Variants in OLFM3 observed in about 807,000 individuals in gnomAD.
The protein encoded by OLFM3 is olfactomedin 3.
A neutral mutation model predicts 48.6 loss-of-function variants in OLFM3; 20 were observed. That is an observed-to-expected ratio of 0.41 (90% CI 0.29 to 0.60). OLFM3 has a LOEUF of 0.60. Ranked by LOEUF, OLFM3 falls within the 20% of genes least tolerant of loss-of-function variation. OLFM3 has a pLI of 0.28. For missense variants in OLFM3, 437 were observed against 544.3 expected (o/e 0.80, Z 1.96); for synonymous variants, 222 against 198.1 (o/e 1.12, Z -1.01).
intron 1 of OLFM3, among the ~76,000 whole-genome samples, chr1:101,926,444 C>T (rs961255662): frequency 6.6e-6 from 1 of 152,156 alleles, no homozygotes. Context: ...ATCAATGGAA[C>T]AGGGCAGCCT....
chr1:101,907,923 T>C (rs956139013), intron 1 of OLFM3, among the ~76,000 whole-genome samples: 1 of 152,232 alleles, frequency 6.6e-6, no homozygotes, highest in African/African-American at 2.4e-5. Flanking sequence ...TATTAGCCTC[T>C]ACTCACGTAT....
intron 2 of OLFM3, among the ~76,000 whole-genome samples, chr1:101,832,059 C>G (rs545363773): frequency 1.3e-5 from 2 of 152,120 alleles, no homozygotes; most frequent in Non-Finnish European, 2.9e-5. Flanking sequence ...CACGCCACTA[C>G]GCCTGGCTAA....
In OLFM3 at chr1:101,862,088, G is replaced by C. The variant is rs538449792; in HGVS notation, c.70-25063C>G. Among the ~76,000 whole-genome samples, 4 of 152,326 alleles carry C rather than the reference G, an allele frequency of 2.6e-5. No individual in the cohort carries two copies. In the South Asian group the frequency reaches 8.3e-4, roughly 32 times the overall value. On this transcript the variant is annotated intron_variant, in intron 1 of 5. Coordinates refer to ENST00000370103, the MANE Select transcript of OLFM3 (RefSeq NM_058170.4). The stretch of plus-strand genomic sequence containing the variant: ...GAGATTAACATCAGGCCAGAGTTAA[G>C]AAGTGGACTCTGGATTCTGTTTCCT...
At chr1:101,884,939 T>C (rs1211806047) in intron 1 of OLFM3, among the ~76,000 whole-genome samples, 1 of 152,016 alleles carries the variant, frequency 6.6e-6, no homozygotes, top group East Asian at 1.9e-4. Context: ...TAAGAACCTA[T>C]AAGGCTCATT....
chr1:101,847,082 A>C, intron 1 of OLFM3: 1 of 1,423,520 alleles, frequency 7.0e-7, no homozygotes, highest in Non-Finnish European at 9.3e-7. Flanking sequence ...AAAAGAGATC[A>C]ACTTCCCCAG....
intron 1 of OLFM3, among the ~76,000 whole-genome samples, chr1:101,852,639 T>C (rs1656268224): frequency 6.6e-6 from 1 of 152,082 alleles, no homozygotes; most frequent in Non-Finnish European, 1.5e-5. Flanking sequence ...ACATCTTAAA[T>C]TGAGCACATT....
chr1:101,975,827 G>A (rs1660938207), intron 1 of OLFM3, among the ~76,000 whole-genome samples: 1 of 152,024 alleles, frequency 6.6e-6, no homozygotes. Context: ...GACACAGGGA[G>A]CAACGCAGCG....
chr1:101,807,513 A>G (rs1048821078), intron 4 of OLFM3, among the ~76,000 whole-genome samples: 4 of 151,748 alleles, frequency 2.6e-5, no homozygotes, highest in African/African-American at 7.3e-5. Flanking sequence ...TCAAAGACAA[A>G]CTAACTATAA....
rs371404042 is a variant in OLFM3 at position 101,892,348 on chromosome 1, A to G, written c.70-55323T>C. ...ATATAAGAGACCCCAGCAGACAGCC[A>G]GTCAAATTTAAGCTTCTATACAAAG... On this transcript the variant is annotated intron_variant, in intron 1 of 5. Transcript: ENST00000370103. Among the ~76,000 whole-genome samples, 5 of 152,164 alleles carry G rather than the reference A, an allele frequency of 3.3e-5. No individual in the cohort carries two copies. In the South Asian group the frequency reaches 1.0e-3, roughly 32 times the overall value.
intron 1 of OLFM3, among the ~76,000 whole-genome samples, chr1:101,962,189 C>T (rs1660487750): frequency 6.6e-6 from 1 of 152,046 alleles, no homozygotes; most frequent in East Asian, 1.9e-4. Flanking sequence ...ATGGATAGAA[C>T]TGTAGGGATT....
At chr1:101,988,749 G>A (rs993026404) in intron 1 of OLFM3, among the ~76,000 whole-genome samples, 5 of 151,992 alleles carry the variant, frequency 3.3e-5, no homozygotes, top group South Asian at 2.1e-4. Context: ...CCAAAGCACT[G>A]AACCTGCCCT....
At chr1:101,812,999 C>T (rs897251787) in intron 4 of OLFM3, 6 of 1,092,654 alleles carry the variant, frequency 5.5e-6, no homozygotes, top group Non-Finnish European at 6.8e-6. Flanking sequence ...TTACTGTGAA[C>T]TTATTTTGTA....
intron 1 of OLFM3, among the ~76,000 whole-genome samples, chr1:101,880,893 G>T (rs1233404220): frequency 6.6e-6 from 1 of 151,752 alleles, no homozygotes; most frequent in Non-Finnish European, 1.5e-5. Context: ...CTCCTCTTGG[G>T]GAAATGGCAA....
At chr1:101,934,873 G>T (rs899293177) in intron 1 of OLFM3, among the ~76,000 whole-genome samples, 10 of 152,038 alleles carry the variant, frequency 6.6e-5, no homozygotes, top group African/African-American at 2.4e-4. Context: ...TGACTTTGGG[G>T]TAAGGAATAA....
intron 1 of OLFM3, among the ~76,000 whole-genome samples, chr1:101,847,992 T>A (rs577483556): frequency 6.6e-6 from 1 of 152,228 alleles, no homozygotes; most frequent in Non-Finnish European, 1.5e-5. Context: ...CTCTCCAAGG[T>A]CCCTTCCAGC....
At chr1:101,961,991 A>G (rs1197921708) in intron 1 of OLFM3, among the ~76,000 whole-genome samples, 1 of 152,186 alleles carries the variant, frequency 6.6e-6, no homozygotes, top group Non-Finnish European at 1.5e-5. Flanking sequence ...CACTTCTGTC[A>G]ACATTTTTCA....
At chr1:101,896,035 T>C (rs1351839967) in intron 1 of OLFM3, among the ~76,000 whole-genome samples, 1 of 151,226 alleles carries the variant, frequency 6.6e-6, no homozygotes, top group African/African-American at 2.4e-5. Context: ...CTTATATCGA[T>C]TTATGTAATA....
At chr1:101,974,716 G>A (rs929340265) in intron 1 of OLFM3, among the ~76,000 whole-genome samples, 1 of 151,970 alleles carries the variant, frequency 6.6e-6, no homozygotes, top group Non-Finnish European at 1.5e-5. Flanking sequence ...GCTCTGAACC[G>A]GGCTTGTGGC....
chr1:101,945,639 A>T (rs1263197911), intron 1 of OLFM3, among the ~76,000 whole-genome samples: 2 of 151,788 alleles, frequency 1.3e-5, no homozygotes, highest in Non-Finnish European at 2.9e-5. Context: ...ACTTATCTTA[A>T]TTTTTTTTGA....
Sources: allele counts gnomAD v4.1 joint callset (sites outside exome capture counted in the v4.1 genomes callset), GRCh38; gene constraint gnomAD v4.1.1; transcripts MANE v1.5; gene names NCBI Gene and HGNC (gene_info 2026-07-23, HGNC 2026-07-21).